Variants in PDE10A observed in about 807,000 individuals in gnomAD.
PDE10A encodes cAMP and cAMP-inhibited cGMP 3',5'-cyclic phosphodiesterase 10A.
Under a neutral mutation model 97.7 loss-of-function variants are expected in PDE10A, and 39 were observed. The observed-to-expected ratio is 0.40, with a 90% CI of 0.31 to 0.52. The LOEUF (loss-of-function observed/expected upper bound fraction) is 0.52. Ranked by LOEUF, PDE10A falls within the 20% of genes least tolerant of loss-of-function variation. The probability of loss-of-function intolerance (pLI) is 0.56; values close to 1 mark genes in which losing one functional copy is unlikely to be tolerated. For missense variants in PDE10A, 731 were observed against 1,047.8 expected, an observed-to-expected ratio of 0.70 and a Z score of 4.17; for synonymous variants, 371 against 376.8, an observed-to-expected ratio of 0.98 and a Z score of 0.18.
intron 13 of PDE10A, among the ~76,000 whole-genome samples, chr6:165,408,188 T>C (rs563382912): frequency 5.0e-4 from 76 of 152,296 alleles, no homozygotes; most frequent in Non-Finnish European, 1.1e-3. Flanking sequence ...TTCCCCAAGA[T>C]CAACACAATT....
intron 1 of PDE10A, among the ~76,000 whole-genome samples, chr6:165,557,598 A>G (rs1192001585): frequency 6.6e-6 from 1 of 151,600 alleles, no homozygotes; most frequent in Non-Finnish European, 1.5e-5. Flanking sequence ...CACAGAATAT[A>G]TAGGTTTTCT....
upstream of PDE10A, among the ~76,000 whole-genome samples, chr6:165,663,764 C>T (rs894397016): frequency 6.6e-6 from 1 of 152,198 alleles, no homozygotes; most frequent in Non-Finnish European, 1.5e-5. Flanking sequence ...ACGGAAAGGG[C>T]AAACTGTGGC....
chr6:165,869,104 A>G (rs980863693), intron 1 of PDE10A, among the ~76,000 whole-genome samples: 1 of 152,144 alleles, frequency 6.6e-6, no homozygotes, highest in African/African-American at 2.4e-5. Context: ...AGCCATAGCA[A>G]TCAGGTAAAA....
chr6:165,714,545 G>A (rs1791979319), intron 1 of PDE10A, among the ~76,000 whole-genome samples: 1 of 152,234 alleles, frequency 6.6e-6, no homozygotes. Context: ...AACCCCAGGG[G>A]CTGGGCTGGG....
intron 3 of PDE10A, among the ~76,000 whole-genome samples, chr6:165,470,110 C>T (rs576286999): frequency 4.0e-4 from 61 of 152,272 alleles, no homozygotes; most frequent in African/African-American, 1.3e-3. Flanking sequence ...ATTTGGCTCA[C>T]GGATCTGCTG....
intron 1 of PDE10A, among the ~76,000 whole-genome samples, chr6:165,851,612 T>G (rs1780574283): frequency 6.6e-6 from 1 of 152,172 alleles, no homozygotes; most frequent in Non-Finnish European, 1.5e-5. Flanking sequence ...ACTTTGGGTG[T>G]TCAGGAAGGG....
chr6:165,406,105 A>G (rs1787127446), intron 13 of PDE10A, among the ~76,000 whole-genome samples: 1 of 152,190 alleles, frequency 6.6e-6, no homozygotes, highest in South Asian at 2.1e-4. Context: ...TTAGTTATCT[A>G]TAAACTTGTA....
intron 1 of PDE10A, among the ~76,000 whole-genome samples, chr6:165,961,363 C>T (rs1375688284): frequency 6.6e-6 from 1 of 152,212 alleles, no homozygotes; most frequent in Non-Finnish European, 1.5e-5. Flanking sequence ...ATGCTTCCTA[C>T]AGTCCTGTCC....
intron 1 of PDE10A, among the ~76,000 whole-genome samples, chr6:165,645,059 T>C (rs1324783078): frequency 6.6e-6 from 1 of 152,266 alleles, no homozygotes; most frequent in African/African-American, 2.4e-5. Flanking sequence ...TTCTGGTTTC[T>C]GCCACAGCAG....
At position 165,833,069 on chromosome 6, in the gene PDE10A, T is replaced by C. The variant is rs145128532; in HGVS notation, c.-615+154460A>G. ...ATTCGAATAATCTGCTCATTCTTAT[T>C]TTTACAGTCCTATAACATCTTTATT... On this transcript the variant is annotated intron_variant, in intron 1 of 19. Coordinates refer to the PDE10A transcript ENST00000366882. 2.0e-5 allele frequency among the ~76,000 whole-genome samples: 3 copies of C among 152,326 alleles called. No individual in the cohort carries two copies. The East Asian group carries it at 5.8e-4, about 29-fold the overall frequency.
At chr6:165,430,220 C>A (rs1438785160) in intron 9 of PDE10A, 67 bp downstream of exon 9, 3 of 1,116,788 alleles carry the variant, frequency 2.7e-6, no homozygotes, top group Non-Finnish European at 4.0e-6. Context: ...TCTATTTCTG[C>A]CACAGGCTGC....
At chr6:165,740,948 A>G (rs1369174067) in intron 1 of PDE10A, among the ~76,000 whole-genome samples, 1 of 152,134 alleles carries the variant, frequency 6.6e-6, no homozygotes, top group Non-Finnish European at 1.5e-5. Flanking sequence ...GTTTTAACTA[A>G]CCAACAATAA....
chr6:165,901,686 C>T (rs1782110470), intron 1 of PDE10A, among the ~76,000 whole-genome samples: 1 of 152,128 alleles, frequency 6.6e-6, no homozygotes, highest in African/African-American at 2.4e-5. Flanking sequence ...CCTGTAATCC[C>T]AGCTACTCGG....
intron 1 of PDE10A, among the ~76,000 whole-genome samples, chr6:165,804,622 G>A (rs924114686): frequency 2.6e-5 from 4 of 152,146 alleles, no homozygotes; most frequent in African/African-American, 9.7e-5. Context: ...GGAAACCTGG[G>A]GCCCTGGAAA....
intron 1 of PDE10A, among the ~76,000 whole-genome samples, chr6:165,629,986 G>C (rs768322319): frequency 3.3e-5 from 5 of 152,016 alleles, no homozygotes; most frequent in Admixed American, 6.6e-5. Context: ...TATTTTTACT[G>C]TACTAGTTTT....
intron 3 of PDE10A, among the ~76,000 whole-genome samples, chr6:165,462,417 C>T (rs1181466264): frequency 6.6e-6 from 1 of 152,148 alleles, no homozygotes; most frequent in Non-Finnish European, 1.5e-5. Context: ...GTGGAGAGAT[C>T]CAATAACAAA....
At chr6:165,792,664 G>A (rs1026412929) in intron 1 of PDE10A, among the ~76,000 whole-genome samples, 1 of 152,024 alleles carries the variant, frequency 6.6e-6, no homozygotes, top group East Asian at 1.9e-4. Flanking sequence ...ATGCGGTCCC[G>A]ACGCTGACCA....
At chr6:165,658,668 T>C (rs1790084236) in intron 1 of PDE10A, among the ~76,000 whole-genome samples, 1 of 152,272 alleles carries the variant, frequency 6.6e-6, no homozygotes, top group African/African-American at 2.4e-5. Context: ...CACACTGGTC[T>C]GTCCCACGTG....
intron 1 of PDE10A, among the ~76,000 whole-genome samples, chr6:165,902,648 G>A (rs1206927531): frequency 6.6e-6 from 1 of 152,204 alleles, no homozygotes; most frequent in African/African-American, 2.4e-5. Flanking sequence ...CTAGGAGGTG[G>A]CTACCCACCA....
Sources: gnomAD v4.1 joint callset for allele counts (sites outside exome capture counted in the v4.1 genomes callset) on GRCh38, gnomAD v4.1.1 for gene constraint, MANE v1.5 for transcripts, NCBI Gene and HGNC (gene_info 2026-07-23, HGNC 2026-07-21) for gene names.